SLC22A2: variants seen among roughly 807,000 people sequenced by gnomAD.
SLC22A2 encodes organic cation transporter 2.
A neutral mutation model predicts 60.5 loss-of-function variants in SLC22A2; 46 were observed. The ratio of observed to expected loss-of-function variants is 0.76; its 90% confidence interval spans 0.60 to 0.97. The LOEUF is 0.97. Among genes scored for constraint, SLC22A2 ranks in the 50% least tolerant of loss-of-function variants. The pLI, the probability that SLC22A2 is intolerant of heterozygous loss-of-function variation, is 0.00. For synonymous variants in SLC22A2, 303 were observed against 267.0 expected, an observed-to-expected ratio of 1.13 and a Z score of -1.31; for missense variants, 701 against 706.6, an observed-to-expected ratio of 0.99 and a Z score of 0.09.
chr6:160,217,261 G>A lies in SLC22A2; in HGVS notation c.*171C>T. The A allele has an allele frequency of 2.4e-6, 1 of 413,432 alleles. No individual in the cohort carries two copies. Among genetic ancestry groups the A allele is most frequent in the Non-Finnish European group, 4.3e-6 (1 of 233,138 alleles). The allele number at this position is 413,432 out of a possible 1,614,324, so 25.6% of individuals were successfully genotyped here. On this transcript the variant is annotated 3_prime_UTR_variant, in exon 11 of 11. Transcript: ENST00000366953. ...AGAATTTGGCAGGATCTGGTCCCAT[G>A]GGTATTTTTCCACAGTGTACAATAG...
intron 2 of SLC22A2, among the ~76,000 whole-genome samples, chr6:160,256,216 G>A (rs541982719): frequency 1.4e-3 from 215 of 152,052 alleles, no homozygotes; most frequent in Non-Finnish European, 2.7e-3. Flanking sequence ...CAGCATATGC[G>A]AGACAAGCAG....
At chr6:160,217,520 G>T in intron 10 of SLC22A2, 22 bp from the exon 11 acceptor site, 1 of 1,363,762 alleles carries the variant, frequency 7.3e-7, no homozygotes, top group East Asian at 2.3e-5. Flanking sequence ...AATAAAAATG[G>T]AGAGGGGAGA....
chr6:160,239,938 G>A (rs548956661), intron 9 of SLC22A2, among the ~76,000 whole-genome samples: 19 of 152,246 alleles, frequency 1.2e-4, no homozygotes, highest in African/African-American at 3.9e-4. Flanking sequence ...CACAAATTCC[G>A]TGAGAAGAAG....
In SLC22A2 at chr6:160,249,366, C is replaced by A. The variant is rs774295115; in HGVS notation, c.692G>T (p.Arg231Leu). 1 of 1,613,254 alleles carries A rather than the reference C, an allele frequency of 6.2e-7. No homozygotes were observed. Among genetic ancestry groups the A allele is most frequent in the South Asian group, 1.1e-5 (1 of 90,882 alleles). Residue 231 changes from arginine to leucine, a missense_variant, in exon 4 of 11, where the codon CGG becomes CTG. Transcript: ENST00000366953. ...GYILITEFVG[R>L]RYRRTVGIFY... is the part of the protein sequence containing the mutation. Reference sequence around the variant, plus strand: ...AATCCCCACTGTTCTCCGATATCTCCGCCCAACAAATTCTGTAACTGCAGA... The same window carrying A: ...AATCCCCACTGTTCTCCGATATCTCAGCCCAACAAATTCTGTAACTGCAGA...
At chr6:160,229,843 A>G (rs1319635722) in intron 9 of SLC22A2, among the ~76,000 whole-genome samples, 2 of 151,802 alleles carry the variant, frequency 1.3e-5, no homozygotes, top group African/African-American at 2.4e-5. Flanking sequence ...CTTGACCCCA[A>G]TACAAACTCG....
chr6:160,234,396 G>T (rs1373696000), intron 9 of SLC22A2, among the ~76,000 whole-genome samples: 1 of 152,162 alleles, frequency 6.6e-6, no homozygotes, highest in Non-Finnish European at 1.5e-5. Context: ...CTACCGACAA[G>T]TGGTCACCTG....
intron 10 of SLC22A2, among the ~76,000 whole-genome samples, chr6:160,219,366 T>TAGCAGCAGCAAC (rs1364319484): frequency 1.2e-5 from 1 of 81,518 alleles, no homozygotes; most frequent in African/African-American, 4.9e-5. Flanking sequence ...AAAATGACAA[T>TAGCAGCAGCAAC]AGCAGCAGCA....
intron 7 of SLC22A2, among the ~76,000 whole-genome samples, chr6:160,243,304 C>A (rs190267864): frequency 4.6e-5 from 7 of 152,076 alleles, no homozygotes; most frequent in Admixed American, 3.9e-4. Context: ...AAGGCCCATG[C>A]TCTCTGCTCC....
intron 9 of SLC22A2, among the ~76,000 whole-genome samples, chr6:160,229,727 T>C (rs1458104727): frequency 6.6e-6 from 1 of 151,760 alleles, no homozygotes; most frequent in Non-Finnish European, 1.5e-5. Context: ...CCTTCCACCT[T>C]CCATTCCTCC....
Position 160,245,489 on chromosome 6 carries a change from C to A in SLC22A2, c.1014G>T (p.Leu338Phe). 6.2e-7 allele frequency: 1 copy of A among 1,610,194 alleles called. No homozygotes were observed. Among genetic ancestry groups the A allele is most frequent in the Non-Finnish European group, 8.5e-7 (1 of 1,177,834 alleles). ...GKKLNPSFLD[L>F]VRTPQIRKHT... ...GTTTCCTTATCTGAGGAGTTCTGAC[C>A]AAGTCAAGAAATGAAGGGTTCAATT... The change falls in exon 6 of 11, where the codon TTG becomes TTT. Residue 338 changes from leucine (L) to phenylalanine (F), a missense_variant. Leu to Phe is a conservative substitution (Grantham distance 22). Transcript: ENST00000366953.
chr6:160,219,948 T>G (rs1486930858), intron 10 of SLC22A2, among the ~76,000 whole-genome samples: 1 of 152,238 alleles, frequency 6.6e-6, no homozygotes, highest in South Asian at 2.1e-4. Flanking sequence ...CTTGCCTCTA[T>G]GTTGATGGCT....
intron 9 of SLC22A2, among the ~76,000 whole-genome samples, chr6:160,239,864 T>G (rs969889265): frequency 6.6e-6 from 1 of 152,214 alleles, no homozygotes; most frequent in Non-Finnish European, 1.5e-5. Context: ...GTTTTGCAGG[T>G]AAGTTCCATC....
Position 160,217,253 on chromosome 6 carries a change from G to A in SLC22A2, c.*179C>T. On this transcript the variant is annotated 3_prime_UTR_variant, in exon 11 of 11. Coordinates refer to ENST00000366953, the MANE Select transcript of SLC22A2 (RefSeq NM_003058.4). The stretch of plus-strand genomic sequence containing the variant: ...GAGCTGGAAGAATTTGGCAGGATCT[G>A]GTCCCATGGGTATTTTTCCACAGTG... 4.9e-6 allele frequency: 2 copies of A among 411,732 alleles called. No individual in the cohort carries two copies. The highest frequency in any genetic ancestry group is 8.6e-6 in the Non-Finnish European group (2 of 232,552). 25.5% of individuals were successfully genotyped at this position (411,732 alleles called of 1,614,324 possible).
rs992032463 is a variant in SLC22A2 at position 160,256,676 on chromosome 6, G to A, written c.456C>T (p.Phe152=). ...AGAATCCTACATTCACTGATGACTGGAATAGGTCCAACATCCAGGAGTTGG... is the reference window on the plus strand; with the variant it reads ...AGAATCCTACATTCACTGATGACTGAAATAGGTCCAACATCCAGGAGTTGG... ...VCANSWMLDL[F]QSSVNVGFFI... The change falls in exon 2 of 11, where the codon TTC becomes TTT. Residue 152 remains phenylalanine, a synonymous_variant. Coordinates refer to ENST00000366953, the MANE Select transcript of SLC22A2 (RefSeq NM_003058.4). The A allele has an allele frequency of 3.1e-6, 5 of 1,613,978 alleles. No homozygotes were observed. In the African/African-American group the frequency reaches 6.7e-5, roughly 22 times the overall value.
chr6:160,251,968 T>C lies in SLC22A2; in HGVS notation c.519-1266A>G, dbSNP rs1266352464. ...TCTGTTTTGACCATGTAATTTCATT[T>C]TTAAAAATTTTTATTTTTAGTTCTG... is the stretch of plus-strand genomic sequence containing the variant. On this transcript the variant is annotated intron_variant, in intron 2 of 10. Coordinates refer to ENST00000366953, the MANE Select transcript of SLC22A2 (RefSeq NM_003058.4). Among the ~76,000 whole-genome samples the C allele has an allele frequency of 3.3e-5, 5 of 152,326 alleles. No homozygotes were observed. The East Asian group carries it at 9.6e-4, about 29-fold the overall frequency.
chr6:160,249,461 C>G, intron 3 of SLC22A2, 77 bp from the exon 4 acceptor site: 2 of 1,082,598 alleles, frequency 1.8e-6, no homozygotes, highest in Admixed American at 2.1e-5. Flanking sequence ...GAAACTAGAA[C>G]ACCAACCTCA....
chr6:160,238,662 A>G (rs547894773), intron 9 of SLC22A2, among the ~76,000 whole-genome samples: 2 of 152,358 alleles, frequency 1.3e-5, no homozygotes, highest in Non-Finnish European at 1.5e-5. Context: ...AGTTAAAATG[A>G]AAAACTATTA....
chr6:160,236,602 T>C (rs1782915738), intron 9 of SLC22A2, among the ~76,000 whole-genome samples: 1 of 152,044 alleles, frequency 6.6e-6, no homozygotes, highest in South Asian at 2.1e-4. Flanking sequence ...AACTGGTTAT[T>C]TTTACCAAGG....
intron 4 of SLC22A2, among the ~76,000 whole-genome samples, chr6:160,247,521 C>G (rs1433330014): frequency 6.6e-6 from 1 of 152,284 alleles, no homozygotes; most frequent in South Asian, 2.1e-4. Context: ...AAGCAGGGTG[C>G]GGCTGAACAT....
Sources: gnomAD v4.1 joint callset for allele counts (sites outside exome capture counted in the v4.1 genomes callset) on GRCh38, gnomAD v4.1.1 for gene constraint, MANE v1.5 for transcripts, NCBI Gene and HGNC (gene_info 2026-07-23, HGNC 2026-07-21) for gene names.